FBXO21: variants seen among roughly 807,000 people sequenced by gnomAD.
FBXO21 encodes F-box protein 21.
FBXO21 carries 32 observed loss-of-function variants against 76.6 expected under a neutral mutation model. That is an observed-to-expected ratio of 0.42 (90% CI 0.32 to 0.56). The LOEUF (loss-of-function observed/expected upper bound fraction) is 0.56. FBXO21 is among the 20% of genes least tolerant of loss of function. The pLI, the probability that FBXO21 is intolerant of heterozygous loss-of-function variation, is 0.16. For synonymous variants in FBXO21, 328 were observed against 311.5 expected, an observed-to-expected ratio of 1.05 and a Z score of -0.56; for missense variants, 586 against 797.3, an observed-to-expected ratio of 0.73 and a Z score of 3.19.
chr12:117,183,434 A>AT (rs1457693171), intron 3 of FBXO21, among the ~76,000 whole-genome samples: 1 of 152,044 alleles, frequency 6.6e-6, no homozygotes, highest in South Asian at 2.1e-4. Context: ...TAATTTTTGT[A>AT]TTTTTTGTAG....
At chr12:117,161,138 G>T (rs1318687352) in intron 9 of FBXO21, among the ~76,000 whole-genome samples, 1 of 152,132 alleles carries the variant, frequency 6.6e-6, no homozygotes, top group Non-Finnish European at 1.5e-5. Flanking sequence ...GGAACGACGG[G>T]AAAACATGAC....
intron 11 of FBXO21, among the ~76,000 whole-genome samples, chr12:117,150,956 TTGTGTGTGTGTGTGTGTG>T (rs3999685): frequency 4.5e-4 from 43 of 94,712 alleles, no homozygotes; most frequent in Middle Eastern, 5.0e-3. Context: ...TCAAATAAGT[TTGTGTGTGTGTGTGTGTG>T]TGTGTGTGTG....
chr12:117,149,319 G>C lies in FBXO21; in HGVS notation c.1676-3042C>G, dbSNP rs80184037. 1.9e-3 allele frequency among the ~76,000 whole-genome samples: 285 copies of C among 152,296 alleles called. 5 individuals are homozygous for C. Among genetic ancestry groups the C allele is most frequent in the East Asian group, 0.016 (81 of 5,186 alleles). The stretch of plus-strand genomic sequence containing the variant: ...CTGGCCATGTTTGGATTTTCTTGCA[G>C]AGCTGCACAGAAATAGTAGAGGGTA... On this transcript the variant is annotated intron_variant, in intron 11 of 11. Coordinates refer to ENST00000622495, the MANE Select transcript of FBXO21 (RefSeq NM_015002.3).
chr12:117,164,927 G>A (rs566901493), intron 9 of FBXO21, among the ~76,000 whole-genome samples: 16 of 152,210 alleles, frequency 1.1e-4, no homozygotes, highest in Non-Finnish European at 1.5e-4. Flanking sequence ...CACAGCTCAC[G>A]GAGGTAAACA....
chr12:117,154,029 CT>C (rs1955880823), intron 11 of FBXO21, among the ~76,000 whole-genome samples: 1 of 152,228 alleles, frequency 6.6e-6, no homozygotes, highest in African/African-American at 2.4e-5. Flanking sequence ...GCCATAGACA[CT>C]GGCCCACGGT....
chr12:117,156,740 T>C (rs1428947092), intron 10 of FBXO21, among the ~76,000 whole-genome samples: 1 of 152,116 alleles, frequency 6.6e-6, no homozygotes, highest in Non-Finnish European at 1.5e-5. Flanking sequence ...CAAATTTCCA[T>C]TTAAAAGTTT....
chr12:117,176,192 G>A (rs372684208), intron 4 of FBXO21, among the ~76,000 whole-genome samples: 4 of 152,166 alleles, frequency 2.6e-5, no homozygotes, highest in Admixed American at 2.6e-4. Context: ...GTATACACAG[G>A]AAACAGAAAA....
intron 11 of FBXO21, chr12:117,154,435 GA>G (rs1955886875): frequency 6.6e-6 from 1 of 152,214 alleles, no homozygotes. Flanking sequence ...ACCCAGACTG[GA>G]GTGCAGCAAC....
chr12:117,185,048 A>G (rs1956269281), intron 3 of FBXO21, among the ~76,000 whole-genome samples: 1 of 152,208 alleles, frequency 6.6e-6, no homozygotes, highest in Admixed American at 6.5e-5. Context: ...GAAAAAGGAA[A>G]CAGCATAAAT....
chr12:117,185,481 A>G (rs2036313), intron 3 of FBXO21, among the ~76,000 whole-genome samples: 151,934 of 152,394 alleles, frequency 1, 75,739 homozygotes, highest in Middle Eastern at 1. Context: ...AACTTTTAGA[A>G]CAGAAAGTCT....
Position 117,177,591 on chromosome 12 carries a change from C to A in FBXO21, c.521G>T (p.Arg174Leu). Residue 174 changes from arginine (R) to leucine (L), a missense_variant, in exon 4 of 12, where the codon CGG (arginine) becomes CTG (leucine). Arg to Leu is a moderately radical substitution (Grantham distance 102). This residue lies in a region of FBXO21 where 246 missense variants were observed against 356.8 expected (regional missense o/e 0.69). Coordinates refer to ENST00000622495, the MANE Select transcript of FBXO21 (RefSeq NM_015002.3). ...AAGATTATTTAAGATCTTCTGTTGC[C>A]GCAGGTAGTAAAGAATTTTTTTTGC... The part of the protein sequence containing the change: ...YYAKKILYYL[R>L]QQKILNNLKA... 2 of 1,613,700 alleles carry A rather than the reference C, an allele frequency of 1.2e-6. No individual in the cohort carries two copies. The highest frequency in any genetic ancestry group is 2.2e-5 in the South Asian group (2 of 91,050).
intron 9 of FBXO21, among the ~76,000 whole-genome samples, chr12:117,158,378 G>T (rs1342951138): frequency 6.6e-6 from 1 of 152,164 alleles, no homozygotes; most frequent in Non-Finnish European, 1.5e-5. Flanking sequence ...GGACGCAGGT[G>T]AGGGCCCACC....
intron 11 of FBXO21, chr12:117,155,178 G>A (rs73206042): frequency 0.065 from 9,901 of 152,502 alleles, 411 homozygotes; most frequent in East Asian, 0.15. Context: ...CAAAGAGAAG[G>A]GAGACTCACA....
Position 117,172,613 on chromosome 12 carries a change from G to A in FBXO21, c.877-6C>T, listed in dbSNP as rs1417602740. On this transcript the variant is annotated splice_region_variant and splice_polypyrimidine_tract_variant and intron_variant, in intron 6 of 11. Transcript: ENST00000622495. ...CCTGTTCTGCGAATCAAAACCTAAA[G>A]CAGAAAAAATGCTTTTATTTCACTG... 1.2e-6 allele frequency: 2 copies of A among 1,608,020 alleles called. No homozygotes were observed. The highest frequency in any genetic ancestry group is 1.7e-6 in the Non-Finnish European group (2 of 1,176,116).
At chr12:117,173,791 A>G (rs990637493) in intron 6 of FBXO21, among the ~76,000 whole-genome samples, 2 of 152,216 alleles carry the variant, frequency 1.3e-5, no homozygotes, top group Admixed American at 1.3e-4. Context: ...GAGCACTCAG[A>G]GATGGAAGGC....
chr12:117,153,782 C>T (rs1328704266), intron 11 of FBXO21, among the ~76,000 whole-genome samples: 3 of 152,270 alleles, frequency 2.0e-5, no homozygotes, highest in Non-Finnish European at 4.4e-5. Flanking sequence ...GTTTTAAATT[C>T]AAGAAGCCAA....
chr12:117,184,887 G>A (rs1229528626), intron 3 of FBXO21, among the ~76,000 whole-genome samples: 1 of 152,170 alleles, frequency 6.6e-6, no homozygotes, highest in Non-Finnish European at 1.5e-5. Context: ...AAACAATATA[G>A]AAAAGTACCT....
At chr12:117,157,312 A>G (rs1446901042) in intron 10 of FBXO21, among the ~76,000 whole-genome samples, 1 of 152,250 alleles carries the variant, frequency 6.6e-6, no homozygotes, top group Non-Finnish European at 1.5e-5. Flanking sequence ...GTAACCCAGG[A>G]AACAGAAATT....
chr12:117,186,480 C>A lies in FBXO21; in HGVS notation c.467G>T (p.Gly156Val). 6.2e-7 allele frequency: 1 copy of A among 1,604,000 alleles called. No individual in the cohort carries two copies. The change falls in exon 3 of 12, where the codon GGA becomes GTA. Residue 156 changes from glycine (G) to valine (V), a missense_variant. By Grantham distance (109) the Gly-to-Val change is moderately radical. This residue lies in a region of FBXO21 where 246 missense variants were observed against 356.8 expected (regional missense o/e 0.69). Coordinates refer to ENST00000622495, the MANE Select transcript of FBXO21 (RefSeq NM_015002.3). ...CCCTGCTAAAGCTATGGCTTACCTT[C>A]CTTCCATATTTAGGATACACACCAG... is the stretch of plus-strand genomic sequence containing the variant. Reference protein sequence around the residue: ...DELVCILNMEGRKALTWKYYA... With the variant: ...DELVCILNMEVRKALTWKYYA...
Sources: allele counts gnomAD v4.1 joint callset (sites outside exome capture counted in the v4.1 genomes callset), GRCh38; gene constraint gnomAD v4.1.1; regional missense constraint gnomAD v4.1.1; transcripts MANE v1.5; gene names NCBI Gene and HGNC (gene_info 2026-07-23, HGNC 2026-07-21).